Variants in RAPGEF2 observed in about 807,000 individuals in gnomAD.
RAPGEF2 encodes the protein PDZ domain containing guanine nucleotide exchange factor (GEF) 1.
In RAPGEF2, 54 loss-of-function variants were observed where a neutral mutation model predicts 186.7. The observed-to-expected ratio is 0.29, with a 90% CI of 0.23 to 0.36. The LOEUF (loss-of-function observed/expected upper bound fraction) is 0.36, where lower values mean the gene tolerates loss of function less well. RAPGEF2 is among the 10% of genes least tolerant of loss of function. The pLI is 1.00. For missense variants in RAPGEF2, 1,532 were observed against 2,045.0 expected (o/e 0.75, Z 4.84); for synonymous variants, 712 against 705.9 (o/e 1.01, Z -0.14).
intron 3 of RAPGEF2, among the ~76,000 whole-genome samples, chr4:159,198,081 T>C (rs796077099): frequency 1.3e-5 from 2 of 152,286 alleles, no homozygotes; most frequent in African/African-American, 4.8e-5. Context: ...ATTTTTTCCT[T>C]CTTGATGTGA....
At chr4:159,122,533 A>G (rs916822047) in intron 1 of RAPGEF2, among the ~76,000 whole-genome samples, 2 of 152,206 alleles carry the variant, frequency 1.3e-5, no homozygotes, top group Non-Finnish European at 2.9e-5. Context: ...CAGATTGTAC[A>G]TAGTTCCATC....
chr4:159,285,725 C>T (rs961300178), intron 7 of RAPGEF2, among the ~76,000 whole-genome samples: 1 of 152,104 alleles, frequency 6.6e-6, no homozygotes, highest in African/African-American at 2.4e-5. Flanking sequence ...TATCTACTTA[C>T]CCCATGTGTT....
At position 159,345,091 on chromosome 4, in the gene RAPGEF2, C is replaced by T. The variant is rs747917184; in HGVS notation, c.3279-15C>T. ...ATGCTAGAGTGAGCTGCATATGTAC[C>T]TTTTCATCTTCCAGGTCTCTCAGCC... On this transcript the variant is annotated splice_polypyrimidine_tract_variant and intron_variant, in intron 23 of 29. Coordinates refer to ENST00000691494, the MANE Select transcript of RAPGEF2 (RefSeq NM_001394067.2). 1.2e-6 allele frequency: 2 copies of T among 1,602,612 alleles called. No homozygotes were observed. The highest frequency in any genetic ancestry group is 2.2e-5 in the South Asian group (2 of 90,700).
intron 7 of RAPGEF2, among the ~76,000 whole-genome samples, chr4:159,283,140 AGTT>A (rs1759959903): frequency 6.6e-6 from 1 of 152,140 alleles, no homozygotes; most frequent in African/African-American, 2.4e-5. Flanking sequence ...AATTCATGTT[AGTT>A]GTTTGTGACC....
chr4:159,178,464 T>G (rs1746668902), intron 1 of RAPGEF2, among the ~76,000 whole-genome samples: 1 of 152,106 alleles, frequency 6.6e-6, no homozygotes, highest in Non-Finnish European at 1.5e-5. Context: ...CCGTTATATA[T>G]TCTGAATGAG....
chr4:159,308,700 T>C (rs1763600304), intron 8 of RAPGEF2, among the ~76,000 whole-genome samples: 1 of 152,166 alleles, frequency 6.6e-6, no homozygotes, highest in African/African-American at 2.4e-5. Context: ...GCTGAGATGG[T>C]GGGAAGAGAG....
intron 3 of RAPGEF2, among the ~76,000 whole-genome samples, chr4:159,198,204 A>G (rs891587773): frequency 6.6e-6 from 1 of 150,854 alleles, no homozygotes; most frequent in African/African-American, 2.4e-5. Flanking sequence ...CCAGGAAGCA[A>G]AATACTGCGA....
chr4:159,146,165 C>G (rs1013571495), intron 1 of RAPGEF2, among the ~76,000 whole-genome samples: 1 of 151,550 alleles, frequency 6.6e-6, no homozygotes, highest in Non-Finnish European at 1.5e-5. Context: ...TTATATAATT[C>G]TATGAAATTA....
At chr4:159,259,129 G>C (rs1579646261) in intron 7 of RAPGEF2, among the ~76,000 whole-genome samples, 2 of 152,112 alleles carry the variant, frequency 1.3e-5, no homozygotes, top group African/African-American at 4.8e-5. Flanking sequence ...TGGTCACTCA[G>C]GTAGTAAATG....
chr4:159,268,247 T>TAGC (rs1018908521), intron 7 of RAPGEF2: 2 of 1,471,852 alleles, frequency 1.4e-6, no homozygotes, highest in Admixed American at 1.7e-5. Context: ...TGTGCTTTGA[T>TAGC]AGCACGTCAT....
chr4:159,343,489 G>A, intron 22 of RAPGEF2, 85 bp downstream of exon 22: 1 of 1,543,384 alleles, frequency 6.5e-7, no homozygotes, highest in South Asian at 1.2e-5. Flanking sequence ...TTTAAAGTTT[G>A]AGTATTTATA....
At position 159,116,384 on chromosome 4, in the gene RAPGEF2, T is replaced by C. The variant is rs560371514; in HGVS notation, c.69+12153T>C. On this transcript the variant is annotated intron_variant, in intron 1 of 29. Transcript: ENST00000691494. ...AATGCAAATCAAAACCACAGTGATA[T>C]ACCATCTCACGCCAGTCAGATGGCA... Among the ~76,000 whole-genome samples, 18 of 152,290 alleles carry C rather than the reference T, an allele frequency of 1.2e-4. No individual in the cohort carries two copies. In the East Asian group the frequency reaches 3.5e-3, roughly 29 times the overall value.
At chr4:159,329,766 C>T (rs1766408671) in intron 11 of RAPGEF2, 92 bp from the exon 12 acceptor site, 1 of 1,037,904 alleles carries the variant, frequency 9.6e-7, no homozygotes, top group Admixed American at 2.6e-5. Flanking sequence ...GGAAAAATGT[C>T]AGTTTTAAAT....
chr4:159,178,335 G>T (rs1746655386), intron 1 of RAPGEF2, among the ~76,000 whole-genome samples: 2 of 152,016 alleles, frequency 1.3e-5, no homozygotes, highest in Non-Finnish European at 2.9e-5. Context: ...ATATTAATCT[G>T]CTCTCAGTTC....
At chr4:159,109,365 T>TA (rs1169536789) in intron 1 of RAPGEF2, among the ~76,000 whole-genome samples, 1 of 152,086 alleles carries the variant, frequency 6.6e-6, no homozygotes, top group African/African-American at 2.4e-5. Flanking sequence ...ACTTAGGAGA[T>TA]ATGGAAACCA....
At chr4:159,251,155 C>G (rs1030119464) in intron 7 of RAPGEF2, among the ~76,000 whole-genome samples, 1 of 152,224 alleles carries the variant, frequency 6.6e-6, no homozygotes. Context: ...CTCGCCAGGC[C>G]TCAGCCACCT....
intron 1 of RAPGEF2, among the ~76,000 whole-genome samples, chr4:159,167,306 C>T (rs375442954): frequency 2.6e-5 from 4 of 152,114 alleles, no homozygotes; most frequent in East Asian, 1.9e-4. Context: ...TTTGAAATGA[C>T]GCTTCAGCAG....
At chr4:159,125,486 C>T (rs1020349671) in intron 1 of RAPGEF2, among the ~76,000 whole-genome samples, 1 of 152,008 alleles carries the variant, frequency 6.6e-6, no homozygotes, top group Non-Finnish European at 1.5e-5. Flanking sequence ...GGGCTGGGCG[C>T]GGTGGCTCAC....
At chr4:159,195,023 C>T (rs566198293) in intron 3 of RAPGEF2, among the ~76,000 whole-genome samples, 1 of 152,158 alleles carries the variant, frequency 6.6e-6, no homozygotes, top group African/African-American at 2.4e-5. Context: ...GAAGAAGATA[C>T]AGGTAGATAG....
Sources: allele counts gnomAD v4.1 joint callset (sites outside exome capture counted in the v4.1 genomes callset), GRCh38; gene constraint gnomAD v4.1.1; transcripts MANE v1.5; gene names NCBI Gene and HGNC (gene_info 2026-07-23, HGNC 2026-07-21).